Variants in LIPN observed in about 807,000 individuals in gnomAD.
LIPN encodes the protein lipase family member N.
A neutral mutation model predicts 43.7 loss-of-function variants in LIPN; 32 were observed. The observed-to-expected ratio is 0.73, with a 90% confidence interval of 0.55 to 0.98. The LOEUF (loss-of-function observed/expected upper bound fraction) is 0.98, where lower values mean the gene tolerates loss of function less well. Ranked by LOEUF, LIPN falls within the 50% of genes least tolerant of loss-of-function variation. The pLI, the probability that LIPN is intolerant of heterozygous loss-of-function variation, is 0.00. For missense variants in LIPN, 505 were observed against 483.8 expected, an observed-to-expected ratio of 1.04 and a Z score of -0.41; for synonymous variants, 156 against 157.6, an observed-to-expected ratio of 0.99 and a Z score of 0.08.
intron 6 of LIPN, among the ~76,000 whole-genome samples, chr10:88,770,531 A>G (rs976924720): frequency 2.6e-5 from 4 of 151,858 alleles, no homozygotes; most frequent in South Asian, 2.1e-4. Context: ...CTCCTTGTAA[A>G]TAATATTTGA....
intron 5 of LIPN, among the ~76,000 whole-genome samples, chr10:88,767,542 G>C (rs1843123152): frequency 6.6e-6 from 1 of 151,132 alleles, no homozygotes; most frequent in African/African-American, 2.4e-5. Flanking sequence ...TTCACCAATA[G>C]GGTGTGTAAG....
At position 88,765,051 on chromosome 10, in the gene LIPN, A is replaced by G. The variant is rs570863600; in HGVS notation, c.425+443A>G. Among the ~76,000 whole-genome samples, 4 of 152,146 alleles carry G rather than the reference A, an allele frequency of 2.6e-5. No individual in the cohort carries two copies. The South Asian group carries it at 8.3e-4, about 31-fold the overall frequency. On this transcript the variant is annotated intron_variant, in intron 4 of 9. Coordinates refer to ENST00000404459, the MANE Select transcript of LIPN (RefSeq NM_001102469.2). ...GTCATTGCTCCTGGATGGCCAATCAACTGTGTAAAGATGATTTGGACCAGG... is the reference window on the plus strand; with the variant it reads ...GTCATTGCTCCTGGATGGCCAATCAGCTGTGTAAAGATGATTTGGACCAGG...
intron 5 of LIPN, 78 bp downstream of exon 5, chr10:88,766,456 G>C: frequency 1.2e-6 from 1 of 862,888 alleles, no homozygotes; most frequent in South Asian, 1.3e-5. Flanking sequence ...TCACCTTTAT[G>C]TTGGAATAAA....
intron 3 of LIPN, among the ~76,000 whole-genome samples, chr10:88,762,600 T>C (rs1293601524): frequency 6.6e-6 from 1 of 152,044 alleles, no homozygotes; most frequent in East Asian, 1.9e-4. Context: ...TGATTTATCA[T>C]GTGGAAAATT....
chr10:88,764,936 C>T (rs929609148), intron 4 of LIPN, among the ~76,000 whole-genome samples: 9 of 152,016 alleles, frequency 5.9e-5, no homozygotes, highest in African/African-American at 1.7e-4. Flanking sequence ...CTACTGTATG[C>T]GCTGTTCTAG....
At position 88,778,143 on chromosome 10, in the gene LIPN, G is replaced by A; in HGVS notation, c.1098G>A (p.Lys366=). 6.2e-7 allele frequency: 1 copy of A among 1,613,610 alleles called. No homozygotes were observed. The highest frequency in any genetic ancestry group is 8.5e-7 in the Non-Finnish European group (1 of 1,179,728). ...AAATCAAGAGTCTTCATTACTTTAA[G>A]CTATTGCCAGATTGGAACCACTTTG... ...LPQIKSLHYF[K]LLPDWNHFDF... Residue 366 remains lysine (K), a synonymous_variant, in exon 10 of 10, where the codon AAG becomes AAA. Transcript: ENST00000404459.
chr10:88,757,394 C>G (rs1432638129), upstream of LIPN, among the ~76,000 whole-genome samples: 2 of 152,152 alleles, frequency 1.3e-5, no homozygotes, highest in African/African-American at 4.8e-5. Context: ...TTATCAAGGA[C>G]AGCTGCCGGC....
intron 7 of LIPN, among the ~76,000 whole-genome samples, chr10:88,771,352 C>T (rs1047392310): frequency 6.6e-6 from 1 of 151,712 alleles, no homozygotes; most frequent in Admixed American, 6.6e-5. Context: ...GCATGCCAGA[C>T]TTTAGTCCTT....
At position 88,777,485 on chromosome 10, in the gene LIPN, C is replaced by A. The variant is rs76940769; in HGVS notation, c.964-524C>A. 4.3e-3 allele frequency among the ~76,000 whole-genome samples: 659 copies of A among 152,040 alleles called. 3 individuals are homozygous for A. The highest frequency in any genetic ancestry group is 0.015 in the African/African-American group (625 of 41,468). On this transcript the variant is annotated intron_variant, in intron 9 of 9. Transcript: ENST00000404459. ...ATATGGTAGTCCGAAGACAGACCTC[C>A]GAGAAATGACCCTTGTCTCCAAAAC...
At chr10:88,766,096 T>C (rs2134836427) in intron 4 of LIPN, among the ~76,000 whole-genome samples, 173 bp from the exon 5 acceptor site, 2 of 152,034 alleles carry the variant, frequency 1.3e-5, no homozygotes, top group South Asian at 4.1e-4. Context: ...AATGTACATA[T>C]GCAGAAAAAC....
intron 5 of LIPN, among the ~76,000 whole-genome samples, chr10:88,767,880 C>T (rs1843134021): frequency 1.3e-5 from 2 of 151,744 alleles, no homozygotes; most frequent in South Asian, 4.2e-4. Context: ...AAAAATCTCA[C>T]CTCCACACAT....
intron 3 of LIPN, 51 bp from the exon 4 acceptor site, chr10:88,764,355 TTCTC>T (rs1187959869): frequency 1.3e-5 from 18 of 1,334,230 alleles, no homozygotes; most frequent in South Asian, 2.6e-5. Context: ...CTCTCACTCT[TTCTC>T]TCTCTCTCTT....
In LIPN at chr10:88,767,644, C is replaced by CAAAAAAAAAAAAAA. The variant is rs61646268; in HGVS notation, c.536-1113_536-1100dup. Among the ~76,000 whole-genome samples the CAAAAAAAAAAAAAA allele has an allele frequency of 9.8e-5, 6 of 61,522 alleles. 1 individual carries two copies. Among genetic ancestry groups the CAAAAAAAAAAAAAA allele is most frequent in the Non-Finnish European group, 1.8e-4 (6 of 33,218 alleles). 40.4% of individuals were successfully genotyped at this position (61,522 alleles called of 152,430 possible). A position where few individuals can be genotyped will look rare whatever the true frequency, so the allele number is the denominator to read the frequency against. On this transcript the variant is annotated intron_variant, in intron 5 of 9. Coordinates refer to ENST00000404459, the MANE Select transcript of LIPN (RefSeq NM_001102469.2). ...TAGATATGCTCTTATACTTGATCTG[C>CAAAAAAAAAAAAAA]AAAAAAAAAAAAAAAAAAAAAAAAA... is the stretch of plus-strand genomic sequence containing the variant.
chr10:88,760,242 G>A (rs1842976342), intron 1 of LIPN, among the ~76,000 whole-genome samples, 136 bp downstream of exon 1: 1 of 152,030 alleles, frequency 6.6e-6, no homozygotes, highest in South Asian at 2.1e-4. Context: ...CTGTGACCTT[G>A]AGCAGGTCTT....
Position 88,778,280 on chromosome 10 carries a change from A to G in LIPN, c.*38A>G, listed in dbSNP as rs964254915. 1.9e-5 allele frequency: 28 copies of G among 1,484,500 alleles called. No homozygotes were observed. The highest frequency in any genetic ancestry group is 2.6e-5 in the Non-Finnish European group (28 of 1,084,998). The allele number at this position is 1,484,500 out of a possible 1,614,324, so 92.0% of individuals were successfully genotyped here. On this transcript the variant is annotated 3_prime_UTR_variant, in exon 10 of 10. Coordinates refer to ENST00000404459, the MANE Select transcript of LIPN (RefSeq NM_001102469.2). ...TACTTTTCAATTAAAAGTTGCTTCC[A>G]AGCCCATAAGGGACTTTAGAAAAAA... is the stretch of plus-strand genomic sequence containing the variant.
chr10:88,764,616 T>G lies in LIPN; in HGVS notation c.425+8T>G. On this transcript the variant is annotated splice_region_variant and intron_variant, in intron 4 of 9. Transcript: ENST00000404459. ...GAAATTCTGGGCCTTTAGGTAAATA[T>G]TAGCTAAGAAAACTCAAGGGGGAAA... The G allele has an allele frequency of 1.3e-6, 2 of 1,572,826 alleles. No individual in the cohort carries two copies. Among genetic ancestry groups the G allele is most frequent in the Non-Finnish European group, 1.7e-6 (2 of 1,159,266 alleles).
At chr10:88,767,709 TATCTGTGCTCTGTGTTTC>T (rs1843130532) in intron 5 of LIPN, among the ~76,000 whole-genome samples, 1 of 141,970 alleles carries the variant, frequency 7.0e-6, no homozygotes, top group South Asian at 2.2e-4. Flanking sequence ...AGAATTTGAT[TATCTGTGCTCTGTGTTTC>T]ATTTAGGACA....
At chr10:88,770,322 C>T (rs1355443351) in intron 6 of LIPN, among the ~76,000 whole-genome samples, 2 of 151,820 alleles carry the variant, frequency 1.3e-5, no homozygotes, top group East Asian at 3.9e-4. Context: ...GGACAGTACT[C>T]GAATGCAGTG....
At chr10:88,768,736 G>C (rs1164336419) in intron 5 of LIPN, 56 bp from the exon 6 acceptor site, 11 of 1,525,828 alleles carry the variant, frequency 7.2e-6, no homozygotes, top group Non-Finnish European at 9.8e-6. Context: ...AATTTTGTTA[G>C]AAACACTGCG....
Sources: allele counts gnomAD v4.1 joint callset (sites outside exome capture counted in the v4.1 genomes callset), GRCh38; gene constraint gnomAD v4.1.1; transcripts MANE v1.5; gene names NCBI Gene and HGNC (gene_info 2026-07-23, HGNC 2026-07-21).